Variants in EPS15 observed in about 807,000 individuals in gnomAD.
The protein encoded by EPS15 is epidermal growth factor receptor pathway substrate 15.
In EPS15, 72 loss-of-function variants were observed where a neutral mutation model predicts 113.8. The ratio of observed to expected loss-of-function variants is 0.63; its 90% confidence interval spans 0.52 to 0.77. The LOEUF is 0.77. Among genes scored for constraint, EPS15 ranks in the 30% least tolerant of loss-of-function variants. EPS15 has a pLI of 0.00. For synonymous variants in EPS15, 344 were observed against 363.4 expected (o/e 0.95, Z 0.61); for missense variants, 1,048 against 1,045.8 (o/e 1.00, Z -0.03).
rs551290249 is a variant in EPS15 at position 51,395,505 on chromosome 1, TATACACAC to T, written c.2053-1066_2053-1059del. 1.9e-3 allele frequency among the ~76,000 whole-genome samples: 285 copies of T among 150,874 alleles called. 1 individual carries two copies. Among genetic ancestry groups the T allele is most frequent in the East Asian group, 0.011 (55 of 5,190 alleles). Reference sequence around the variant, plus strand: ...TTCTGACCCTCAGAGAGAAAACACATATACACACATACACACATACACACACACACACA... The same window carrying T: ...TTCTGACCCTCAGAGAGAAAACACATATACACACATACACACACACACACA... On this transcript the variant is annotated intron_variant, in intron 20 of 24. Coordinates refer to ENST00000371733, the MANE Select transcript of EPS15 (RefSeq NM_001981.3).
In EPS15 at chr1:51,356,137, A is replaced by G. The variant is rs1487630351; in HGVS notation, c.*563T>C. 3 of 208,108 alleles carry G rather than the reference A, an allele frequency of 1.4e-5. No individual in the cohort carries two copies. Among genetic ancestry groups the G allele is most frequent in the East Asian group, 1.5e-4 (2 of 13,664 alleles). 12.9% of individuals were successfully genotyped at this position (208,108 alleles called of 1,614,324 possible). A position where few individuals can be genotyped will look rare whatever the true frequency, so the allele number is the denominator to read the frequency against. On this transcript the variant is annotated 3_prime_UTR_variant, in exon 25 of 25. Transcript: ENST00000371733. ...GTTCAACCTACAGCATCCCTTTTCCATAGTGGAGTAAATCTGTGCAAAATA... is the reference window on the plus strand; with the variant it reads ...GTTCAACCTACAGCATCCCTTTTCCGTAGTGGAGTAAATCTGTGCAAAATA...
chr1:51,420,649 T>C (rs1450406914), intron 13 of EPS15, among the ~76,000 whole-genome samples: 1 of 152,176 alleles, frequency 6.6e-6, no homozygotes, highest in Non-Finnish European at 1.5e-5. Flanking sequence ...CTAACCTCAC[T>C]GCCAGAGAGA....
intron 1 of EPS15, among the ~76,000 whole-genome samples, chr1:51,498,817 A>G (rs1475070400): frequency 6.6e-6 from 1 of 152,132 alleles, no homozygotes; most frequent in Non-Finnish European, 1.5e-5. Flanking sequence ...TTATTGCCAC[A>G]GTTTGAATGT....
At position 51,355,396 on chromosome 1, in the gene EPS15, C is replaced by A. The variant is rs1242050780; in HGVS notation, c.*1304G>T. 3.4e-5 allele frequency: 7 copies of A among 204,798 alleles called. No individual in the cohort carries two copies. The highest frequency in any genetic ancestry group is 6.0e-5 in the Non-Finnish European group (6 of 100,212). 12.7% of individuals were successfully genotyped at this position (204,798 alleles called of 1,614,324 possible). Reference sequence around the variant, plus strand: ...TTTAATACATCATCTAAGTCAGTAACCGTGTTAAACAAAATTAAAATGACA... The same window carrying A: ...TTTAATACATCATCTAAGTCAGTAAACGTGTTAAACAAAATTAAAATGACA... On this transcript the variant is annotated 3_prime_UTR_variant, in exon 25 of 25. Transcript: ENST00000371733.
Position 51,363,897 on chromosome 1 carries a change from T to TC in EPS15, c.2327dup (p.Thr777AsnfsTer22). On this transcript the variant is annotated frameshift_variant, in exon 23 of 25. Coordinates refer to ENST00000371733, the MANE Select transcript of EPS15 (RefSeq NM_001981.3). LOFTEE classifies it high-confidence loss of function. ...GTAGAGGGCAGGGTCTTGTTGGAGTTCCGATCTTTGGTGGCAGTGCTGGGG... is the reference window on the plus strand; with the variant it reads ...GTAGAGGGCAGGGTCTTGTTGGAGTTCCCGATCTTTGGTGGCAGTGCTGGGG... 1 of 1,613,318 alleles carries TC rather than the reference T, an allele frequency of 6.2e-7. No homozygotes were observed. Among genetic ancestry groups the TC allele is most frequent in the South Asian group, 1.1e-5 (1 of 90,902 alleles).
chr1:51,446,004 T>C (rs1653018907), intron 10 of EPS15, among the ~76,000 whole-genome samples: 1 of 152,252 alleles, frequency 6.6e-6, no homozygotes, highest in East Asian at 1.9e-4. Flanking sequence ...TATGCATATT[T>C]AATCTTTCCC....
At chr1:51,452,424 A>C (rs1380178655) in intron 8 of EPS15, among the ~76,000 whole-genome samples, 1 of 152,142 alleles carries the variant, frequency 6.6e-6, no homozygotes, top group African/African-American at 2.4e-5. Context: ...CTGTGACTAC[A>C]TGCGTACGTC....
chr1:51,416,950 C>T (rs1168356948), intron 13 of EPS15, among the ~76,000 whole-genome samples: 2 of 151,702 alleles, frequency 1.3e-5, no homozygotes, highest in African/African-American at 4.8e-5. Flanking sequence ...AGTTTTAGGA[C>T]TATTCTTAAC....
chr1:51,466,550 G>T (rs189028323), intron 5 of EPS15, among the ~76,000 whole-genome samples: 1 of 151,792 alleles, frequency 6.6e-6, no homozygotes. Flanking sequence ...TTGAACCTAG[G>T]GGGTGGAGGT....
chr1:51,382,328 T>C (rs1197674996), intron 21 of EPS15: 13 of 152,082 alleles, frequency 8.5e-5, no homozygotes, highest in Admixed American at 8.5e-4. Context: ...TAGCAGCACA[T>C]ATACTAAAAC....
At chr1:51,376,270 A>G (rs1011544516) in intron 21 of EPS15, among the ~76,000 whole-genome samples, 1 of 152,244 alleles carries the variant, frequency 6.6e-6, no homozygotes, top group African/African-American at 2.4e-5. Flanking sequence ...AAATAAAATA[A>G]CAAAGCCTGG....
chr1:51,491,538 A>G (rs1366238915), intron 1 of EPS15, among the ~76,000 whole-genome samples: 1 of 152,252 alleles, frequency 6.6e-6, no homozygotes, highest in Non-Finnish European at 1.5e-5. Flanking sequence ...ACAGGATGAA[A>G]ACTAAGAGTA....
intron 13 of EPS15, among the ~76,000 whole-genome samples, chr1:51,412,526 T>C (rs2148436579): frequency 6.6e-6 from 1 of 152,316 alleles, no homozygotes; most frequent in African/African-American, 2.4e-5. Flanking sequence ...ATTCCGTGAG[T>C]TTGTGTGATC....
intron 12 of EPS15, among the ~76,000 whole-genome samples, chr1:51,438,639 T>C (rs909157713): frequency 2.6e-5 from 4 of 152,154 alleles, no homozygotes; most frequent in African/African-American, 9.7e-5. Flanking sequence ...ATATTACATA[T>C]ATAAGGAAAG....
intron 20 of EPS15, 135 bp downstream of exon 20, chr1:51,398,897 G>T: frequency 4.0e-6 from 3 of 742,882 alleles, no homozygotes; most frequent in East Asian, 2.7e-5. Flanking sequence ...AATGAATTGG[G>T]ATGAGACTGA....
chr1:51,372,568 G>A (rs901048657), intron 21 of EPS15: 1 of 525,104 alleles, frequency 1.9e-6, no homozygotes, highest in Non-Finnish European at 3.8e-6. Context: ...AACTACACAA[G>A]AGTAACATTG....
At chr1:51,493,581 A>AAATAAAT (rs1644278940) in intron 1 of EPS15, among the ~76,000 whole-genome samples, 1 of 146,868 alleles carries the variant, frequency 6.8e-6, no homozygotes, top group Non-Finnish European at 1.5e-5. Flanking sequence ...AATAAATAAA[A>AAATAAAT]ATAAAGCTCT....
At chr1:51,453,740 TACTA>T (rs1191705285) in intron 8 of EPS15, among the ~76,000 whole-genome samples, 1 of 152,006 alleles carries the variant, frequency 6.6e-6, no homozygotes, top group Non-Finnish European at 1.5e-5. Flanking sequence ...TGCAATCAGT[TACTA>T]ACAGCTGTCC....
chr1:51,453,591 C>T (rs7530091), intron 8 of EPS15, among the ~76,000 whole-genome samples: 4,573 of 152,096 alleles, frequency 0.03, 74 homozygotes, highest in African/African-American at 0.05. Context: ...TGCATTTACA[C>T]AGAAAGAGAC....
Sources: allele counts gnomAD v4.1 joint callset (sites outside exome capture counted in the v4.1 genomes callset), GRCh38; gene constraint gnomAD v4.1.1; transcripts MANE v1.5; gene names NCBI Gene and HGNC (gene_info 2026-07-23, HGNC 2026-07-21).